ASTN2: variants seen among roughly 807,000 people sequenced by gnomAD.
The protein encoded by ASTN2 is astrotactin-2.
In ASTN2, 54 loss-of-function variants were observed where a neutral mutation model predicts 139.8. The observed-to-expected ratio is 0.39, with a 90% CI of 0.31 to 0.48. The LOEUF is 0.48. ASTN2 is among the 20% of genes least tolerant of loss of function. The probability of loss-of-function intolerance (pLI) is 0.95; values close to 1 mark genes in which losing one functional copy is unlikely to be tolerated. For synonymous variants in ASTN2, 756 were observed against 719.5 expected (o/e 1.05, Z -0.81); for missense variants, 1,565 against 1,725.1 (o/e 0.91, Z 1.64).
intron 19 of ASTN2, chr9:116,584,786 A>G (rs972732848): frequency 6.6e-6 from 1 of 152,234 alleles, no homozygotes; most frequent in African/African-American, 2.4e-5. Context: ...GATCATACAT[A>G]TAGAACACTT....
intron 16 of ASTN2, among the ~76,000 whole-genome samples, chr9:116,663,634 C>A (rs1209623044): frequency 1.3e-5 from 2 of 152,108 alleles, no homozygotes; most frequent in African/African-American, 4.8e-5. Context: ...GATCAATGAG[C>A]CCACTCAACA....
At chr9:117,200,669 A>G (rs10759908) in intron 3 of ASTN2, among the ~76,000 whole-genome samples, 148,734 of 152,312 alleles carry the variant, frequency 0.98, 72,637 homozygotes, top group Non-Finnish European at 0.99. Context: ...TACATTTATT[A>G]ATTTTCATAT....
rs1227756915 is a variant in ASTN2 at position 116,839,888 on chromosome 9, T to A, written c.2041-19105A>T. Among the ~76,000 whole-genome samples the A allele has an allele frequency of 1.3e-3, 168 of 129,524 alleles. 1 individual carries two copies. Among genetic ancestry groups the A allele is most frequent in the African/African-American group, 5.3e-3 (160 of 30,136 alleles). The allele number at this position is 129,524 out of a possible 152,430, so 85.0% of individuals were successfully genotyped here. On this transcript the variant is annotated intron_variant, in intron 11 of 22. Coordinates refer to ENST00000313400, the MANE Select transcript of ASTN2 (RefSeq NM_001365068.1). The stretch of plus-strand genomic sequence containing the variant: ...ATTATTATTATTATTATTATTTTTT[T>A]TTTTTTAATTGATCATTCTTGGGTG...
chr9:117,119,776 C>T (rs1165377168), intron 4 of ASTN2, among the ~76,000 whole-genome samples: 1 of 151,878 alleles, frequency 6.6e-6, no homozygotes, highest in Non-Finnish European at 1.5e-5. Flanking sequence ...AAAATGAGGG[C>T]ATCCCAATGT....
chr9:117,171,609 T>C (rs551666448), intron 3 of ASTN2, among the ~76,000 whole-genome samples: 4 of 152,106 alleles, frequency 2.6e-5, no homozygotes, highest in Admixed American at 6.6e-5. Flanking sequence ...GTTTCCCCCA[T>C]GCTGTTCTCG....
intron 3 of ASTN2, among the ~76,000 whole-genome samples, chr9:117,209,201 A>G (rs1015260972): frequency 6.6e-6 from 1 of 152,192 alleles, no homozygotes; most frequent in African/African-American, 2.4e-5. Flanking sequence ...GTTCCCACCT[A>G]TCAACAATAA....
chr9:116,686,716 G>A, intron 16 of ASTN2: 1 of 1,550,488 alleles, frequency 6.4e-7, no homozygotes, highest in South Asian at 1.2e-5. Context: ...GCAGGGACAG[G>A]GGCTGCAGAG....
At chr9:117,281,270 C>T (rs1315236648) in intron 2 of ASTN2, among the ~76,000 whole-genome samples, 2 of 152,102 alleles carry the variant, frequency 1.3e-5, no homozygotes, top group African/African-American at 4.8e-5. Flanking sequence ...ATTTACAGCT[C>T]AGGAGAAAGT....
intron 5 of ASTN2, among the ~76,000 whole-genome samples, chr9:117,041,777 C>G (rs1838579783): frequency 6.6e-6 from 1 of 152,174 alleles, no homozygotes; most frequent in East Asian, 1.9e-4. Context: ...TGCAGTGCTC[C>G]TACCATTAAC....
chr9:117,228,536 T>C lies in ASTN2; in HGVS notation c.631-13794A>G, dbSNP rs558395922. On this transcript the variant is annotated intron_variant, in intron 2 of 22. Transcript: ENST00000313400. ...AAAGTTAGTTACTAGGGGCAGAGAGTCAAGCATAAGATGCCCATCAATGAG... is the reference window on the plus strand; with the variant it reads ...AAAGTTAGTTACTAGGGGCAGAGAGCCAAGCATAAGATGCCCATCAATGAG... Among the ~76,000 whole-genome samples, 5 of 150,634 alleles carry C rather than the reference T, an allele frequency of 3.3e-5. No individual in the cohort carries two copies. In the East Asian group the frequency reaches 9.8e-4, roughly 29 times the overall value.
chr9:116,918,092 G>A (rs1588410361), intron 10 of ASTN2, among the ~76,000 whole-genome samples: 2 of 152,266 alleles, frequency 1.3e-5, no homozygotes. Flanking sequence ...TGTAAGAAGA[G>A]CCTTTCACCT....
chr9:117,329,557 G>C (rs1421345563), intron 1 of ASTN2, among the ~76,000 whole-genome samples: 4 of 152,116 alleles, frequency 2.6e-5, no homozygotes, highest in Non-Finnish European at 5.9e-5. Context: ...ATTAGGATTG[G>C]GTTTTAGAGG....
At chr9:117,162,097 A>T (rs898196310) in intron 3 of ASTN2, among the ~76,000 whole-genome samples, 4 of 152,088 alleles carry the variant, frequency 2.6e-5, no homozygotes, top group African/African-American at 7.2e-5. Flanking sequence ...TTGGAGGTAG[A>T]TCACCCAATA....
In ASTN2 at chr9:116,500,067, G is replaced by A. The variant is rs142012814; in HGVS notation, c.3356-12567C>T. On this transcript the variant is annotated intron_variant, in intron 19 of 22. Coordinates refer to ENST00000313400, the MANE Select transcript of ASTN2 (RefSeq NM_001365068.1). The stretch of plus-strand genomic sequence containing the variant: ...GGAAATCTCCCTAATTGATATGATT[G>A]CTTATTGATGCCTGACGAACCCTGG... 3.7e-4 allele frequency among the ~76,000 whole-genome samples: 56 copies of A among 152,108 alleles called. No individual in the cohort carries two copies. The East Asian group carries it at 0.01, about 27-fold the overall frequency.
chr9:117,360,919 C>T (rs1260989889), intron 1 of ASTN2, among the ~76,000 whole-genome samples: 1 of 152,102 alleles, frequency 6.6e-6, no homozygotes, highest in Non-Finnish European at 1.5e-5. Flanking sequence ...TTTTTTCCCC[C>T]TTCCACATTA....
intron 13 of ASTN2, among the ~76,000 whole-genome samples, chr9:116,753,121 A>T (rs1160438697): frequency 6.6e-6 from 1 of 152,248 alleles, no homozygotes; most frequent in African/African-American, 2.4e-5. Context: ...ATGTCTTTTA[A>T]TAGGTGGTTC....
In ASTN2 at chr9:116,651,522, G is replaced by C; in HGVS notation, c.3072+6C>G. 6.2e-7 allele frequency: 1 copy of C among 1,611,708 alleles called. No individual in the cohort carries two copies. Among genetic ancestry groups the C allele is most frequent in the Non-Finnish European group, 8.5e-7 (1 of 1,178,170 alleles). On this transcript the variant is annotated splice_donor_region_variant and intron_variant, in intron 17 of 22. Transcript: ENST00000313400. Reference sequence around the variant, plus strand: ...TTGACTGAGTGGCTGGGCCAGGGGAGCTCACCTCCTTTGTGCCATTGTCTT... The same window carrying C: ...TTGACTGAGTGGCTGGGCCAGGGGACCTCACCTCCTTTGTGCCATTGTCTT...
intron 10 of ASTN2, among the ~76,000 whole-genome samples, chr9:116,922,266 CAT>C (rs964448351): frequency 2.6e-5 from 4 of 152,166 alleles, no homozygotes; most frequent in African/African-American, 9.7e-5. Context: ...TGTTCATAAA[CAT>C]GTGTACCCAT....
intron 5 of ASTN2, among the ~76,000 whole-genome samples, chr9:117,051,502 T>C (rs896959212): frequency 1.3e-5 from 2 of 152,116 alleles, no homozygotes; most frequent in Non-Finnish European, 2.9e-5. Context: ...AAGAACTACA[T>C]CAATGCCAAA....
Sources: gnomAD v4.1 joint callset for allele counts (sites outside exome capture counted in the v4.1 genomes callset) on GRCh38, gnomAD v4.1.1 for gene constraint, MANE v1.5 for transcripts, NCBI Gene and HGNC (gene_info 2026-07-23, HGNC 2026-07-21) for gene names.